Variants in DRP2 observed in about 807,000 individuals in gnomAD.
DRP2 encodes dystrophin related protein 2.
DRP2 carries 29 observed loss-of-function variants against 78.2 expected under a neutral mutation model. That is an observed-to-expected ratio of 0.37 (90% confidence interval 0.28 to 0.51). DRP2 has a LOEUF of 0.51. DRP2 is among the 20% of genes least tolerant of loss of function. The pLI is 0.94. For synonymous variants in DRP2, 290 were observed against 281.9 expected (o/e 1.03, Z -0.29); for missense variants, 686 against 770.6 (o/e 0.89, Z 1.30).
At position 101,254,536 on chromosome X, in the gene DRP2, G is replaced by C. The variant is rs373963470; in HGVS notation, c.2089G>C (p.Val697Leu). The stretch of plus-strand genomic sequence containing the variant: ...GCGAGGTTATCTGCCTGTGCAATCA[G>C]TGCTGGAGGCTGACTACAGTGAGAC... ...PQRGYLPVQS[V>L]LEADYSETPA... Residue 697 changes from valine (V) to leucine (L), a missense_variant, in exon 18 of 24, where the codon GTG (valine) becomes CTG (leucine). By Grantham distance (32) the Val-to-Leu change is conservative (BLOSUM62 1). This residue lies in a region of DRP2 where 423 missense variants were observed against 531.5 expected (regional missense o/e 0.80). Transcript: ENST00000395209. 6.6e-6 allele frequency: 8 copies of C among 1,210,732 alleles called. No individual in the cohort carries two copies. In the Admixed American group the frequency reaches 1.5e-4, roughly 23 times the overall value.
intron 16 of DRP2, 141 bp from the exon 17 acceptor site, chrX:101,252,464 A>G (rs1923171261): frequency 2.6e-5 from 12 of 461,367 alleles, no homozygotes; most frequent in Middle Eastern, 1.0e-3. Flanking sequence ...ACTGCTATGT[A>G]TACGAGGTTG....
intron 21 of DRP2, 42 bp from the exon 22 acceptor site, chrX:101,258,267 C>T: frequency 1.8e-6 from 2 of 1,102,829 alleles, no homozygotes; most frequent in African/African-American, 1.8e-5. Context: ...ACAGTCAGAG[C>T]CCTGTTAGAG....
intron 10 of DRP2, 109 bp downstream of exon 10, chrX:101,245,186 C>T: frequency 2.2e-6 from 2 of 913,908 alleles, no homozygotes; most frequent in Admixed American, 5.0e-5. Context: ...TTCCTCCATC[C>T]AGTTCGGTTT....
intron 6 of DRP2, among the ~76,000 whole-genome samples, chrX:101,239,600 C>G (rs112816146): frequency 0.078 from 8,517 of 109,844 alleles, 641 homozygotes; most frequent in African/African-American, 0.23. Flanking sequence ...TTGTGGGGGA[C>G]GGAGTCTCGC....
chrX:101,219,790 T>G lies in DRP2; in HGVS notation c.-523T>G, dbSNP rs1266131147. On this transcript the variant is annotated 5_prime_UTR_variant, in exon 1 of 24. Transcript: ENST00000395209. ...CCTCTGCTTCTCAGGCTCTTCCGCT[T>G]TCCTCCTCTGCTTCTAATGAATTGA... is the stretch of plus-strand genomic sequence containing the variant. 1 of 107,524 alleles carries G rather than the reference T, an allele frequency of 9.3e-6. No individual in the cohort carries two copies. Among genetic ancestry groups the G allele is most frequent in the Non-Finnish European group, 1.9e-5 (1 of 51,961 alleles). 8.9% of individuals were successfully genotyped at this position (107,524 alleles called of 1,213,427 possible). A position where few individuals can be genotyped will look rare whatever the true frequency, so the allele number is the denominator to read the frequency against.
intron 2 of DRP2, among the ~76,000 whole-genome samples, chrX:101,225,695 G>A (rs757037342): frequency 4.5e-5 from 5 of 111,304 alleles, no homozygotes; most frequent in African/African-American, 1.6e-4. Flanking sequence ...GGTGGGGAGC[G>A]GAGAGGGGGC....
In DRP2 at chrX:101,223,065, G is replaced by A. The variant is rs773118481; in HGVS notation, c.-166-1539G>A. Among the ~76,000 whole-genome samples, 70 of 111,634 alleles carry A rather than the reference G, an allele frequency of 6.3e-4. 1 individual carries two copies. Among genetic ancestry groups the A allele is most frequent in the South Asian group, 2.7e-3 (7 of 2,607 alleles). On this transcript the variant is annotated intron_variant, in intron 1 of 23. Coordinates refer to ENST00000395209, the MANE Select transcript of DRP2 (RefSeq NM_001939.3). Reference sequence around the variant, plus strand: ...GAGATCTTGCACTGTTATCCAGGCTGAAGTGAAGTGGTGTGATCATAGCTC... The same window carrying A: ...GAGATCTTGCACTGTTATCCAGGCTAAAGTGAAGTGGTGTGATCATAGCTC...
intron 1 of DRP2, among the ~76,000 whole-genome samples, chrX:101,222,871 G>A (rs5921753): frequency 0.15 from 16,707 of 111,147 alleles, 1,101 homozygotes; most frequent in Middle Eastern, 0.22. Flanking sequence ...CCTGGATTTG[G>A]TGTTTATTAT....
intron 2 of DRP2, among the ~76,000 whole-genome samples, chrX:101,226,026 G>A (rs1464276764): frequency 1.8e-5 from 2 of 111,575 alleles, no homozygotes; most frequent in Non-Finnish European, 3.8e-5. Flanking sequence ...AGGCTCTTTT[G>A]TATACTTCCA....
chrX:101,252,749 G>C (rs751487063), intron 17 of DRP2, 33 bp downstream of exon 17: 2 of 1,127,592 alleles, frequency 1.8e-6, no homozygotes, highest in East Asian at 6.0e-5. Context: ...GGGAGGGTTA[G>C]GCAGCTCTCA....
chrX:101,258,308 G>A lies in DRP2; in HGVS notation c.2391-1G>A. 1 of 1,171,474 alleles carries A rather than the reference G, an allele frequency of 8.5e-7. No individual in the cohort carries two copies. Among genetic ancestry groups the A allele is most frequent in the East Asian group, 3.2e-5 (1 of 31,586 alleles). The stretch of plus-strand genomic sequence containing the variant: ...GGTCTTGGTGTCTCTCTCCATGGCA[G>A]GATTCTCCAGGGAGAGCTGAGGCGC... On this transcript the variant is annotated splice_acceptor_variant, in intron 21 of 23. Transcript: ENST00000395209. LOFTEE classifies it high-confidence loss of function.
intron 9 of DRP2, among the ~76,000 whole-genome samples, chrX:101,243,485 C>CA (rs571913059): frequency 2.5e-3 from 248 of 100,442 alleles, no homozygotes; most frequent in South Asian, 4.1e-3. Context: ...TGTGCAGGCT[C>CA]AAAAAAAAAA....
In DRP2 at chrX:101,256,208, A is replaced by T. The variant is rs149061644; in HGVS notation, c.2337A>T (p.Thr779=). ...AGCAGGCTCCATGCAGTGTGGCCAC[A>T]GAAAGCAAAGGGGAGCTACAGAAGA... is the stretch of plus-strand genomic sequence containing the variant. ...FGQQAPCSVA[T]ESKGELQKIL... The change falls in exon 21 of 24, where the codon ACA becomes ACT. Residue 779 remains threonine (T), a synonymous_variant. Coordinates refer to ENST00000395209, the MANE Select transcript of DRP2 (RefSeq NM_001939.3). 30 of 1,206,618 alleles carry T rather than the reference A, an allele frequency of 2.5e-5. No homozygotes were observed. In the African/African-American group the frequency reaches 3.7e-4, roughly 15 times the overall value.
At position 101,263,804 on chromosome X, in the gene DRP2, C is replaced by A. The variant is rs894109116; in HGVS notation, c.*3183C>A. Reference sequence around the variant, plus strand: ...GACACAGAAATGAGAAACCCTGAGGCCAGGAAGAGGCCAATCCTAGGAGAT... The same window carrying A: ...GACACAGAAATGAGAAACCCTGAGGACAGGAAGAGGCCAATCCTAGGAGAT... On this transcript the variant is annotated 3_prime_UTR_variant, in exon 24 of 24. Transcript: ENST00000395209. 1 of 111,776 alleles carries A rather than the reference C, an allele frequency of 8.9e-6. No homozygotes were observed. The highest frequency in any genetic ancestry group is 1.9e-5 in the Non-Finnish European group (1 of 53,126). The allele number at this position is 111,776 out of a possible 1,213,427, so 9.2% of individuals were successfully genotyped here.
chrX:101,235,913 C>T lies in DRP2; in HGVS notation c.171C>T (p.Pro57=). 8.3e-7 allele frequency: 1 copy of T among 1,211,726 alleles called. No homozygotes were observed. Among genetic ancestry groups the T allele is most frequent in the Non-Finnish European group, 1.1e-6 (1 of 895,413 alleles). The change falls in exon 4 of 24, where the codon CCC becomes CCT. Residue 57 remains proline (P), a synonymous_variant. Coordinates refer to ENST00000395209, the MANE Select transcript of DRP2 (RefSeq NM_001939.3). ...CTCCTCAAGATGGTGCTGGGGTTCC[C>T]TGCCTAAGCCTAAAGCTGTTGAACG... ...PAPPQDGAGV[P]CLSLKLLNGS... is the part of the protein sequence containing the mutation.
chrX:101,220,520 G>A (rs1921858718), intron 1 of DRP2, among the ~76,000 whole-genome samples: 1 of 110,693 alleles, frequency 9.0e-6, no homozygotes, highest in South Asian at 3.9e-4. Context: ...GAAAAGAGGG[G>A]CATTTATTTA....
chrX:101,250,740 A>G (rs140406434), intron 15 of DRP2, among the ~76,000 whole-genome samples, 160 bp downstream of exon 15: 1,848 of 111,525 alleles, frequency 0.017, 42 homozygotes, highest in African/African-American at 0.058. Flanking sequence ...TGGGCTCTAG[A>G]ATCATAGTCC....
intron 1 of DRP2, among the ~76,000 whole-genome samples, chrX:101,224,191 G>GTTTTGTTTTGT (rs1922007763): frequency 1.8e-4 from 7 of 38,882 alleles, no homozygotes; most frequent in Admixed American, 1.3e-3. Context: ...GGTTTTTTTT[G>GTTTTGTTTTGT]TTTTTTTTTT....
At chrX:101,249,836 G>A (rs889392864) in intron 14 of DRP2, among the ~76,000 whole-genome samples, 2 of 112,006 alleles carry the variant, frequency 1.8e-5, no homozygotes, top group African/African-American at 6.5e-5. Context: ...CATATACAAA[G>A]ATAAGTATCA....
Sources: gnomAD v4.1 joint callset for allele counts (sites outside exome capture counted in the v4.1 genomes callset) on GRCh38, gnomAD v4.1.1 for gene constraint, gnomAD v4.1.1 regional missense constraint, MANE v1.5 for transcripts, NCBI Gene and HGNC (gene_info 2026-07-23, HGNC 2026-07-21) for gene names.